MTPN: variants seen among roughly 807,000 people sequenced by gnomAD.
MTPN encodes the protein myotrophin, also known as granule cell differentiation protein.
A neutral mutation model predicts 13.5 loss-of-function variants in MTPN; 2 were observed. The ratio of observed to expected loss-of-function variants is 0.15; its 90% confidence interval spans 0.06 to 0.47. The LOEUF (loss-of-function observed/expected upper bound fraction) is 0.47. MTPN is among the 20% of genes least tolerant of loss of function. MTPN has a pLI of 0.97. For synonymous variants in MTPN, 46 were observed against 51.7 expected (o/e 0.89, Z 0.48); for missense variants, 79 against 137.9 (o/e 0.57, Z 2.14).
At chr7:135,972,235 A>ACGCGCGCGCG (rs1451355041) in intron 1 of MTPN, among the ~76,000 whole-genome samples, 1 of 128,472 alleles carries the variant, frequency 7.8e-6, no homozygotes, top group Non-Finnish European at 1.7e-5. Flanking sequence ...GCGCGCGCAC[A>ACGCGCGCGCG]CACACACACA....
chr7:135,929,892 G>T lies in MTPN; in HGVS notation c.*34C>A. On this transcript the variant is annotated 3_prime_UTR_variant, in exon 4 of 4. Coordinates refer to ENST00000393085, the MANE Select transcript of MTPN (RefSeq NM_145808.4). The stretch of plus-strand genomic sequence containing the variant: ...GGCAGCAGTGTGAGGCCACAGGAGA[G>T]TCATTCTTCCGGAGTTATCAGTCCA... 1 of 1,598,932 alleles carries T rather than the reference G, an allele frequency of 6.3e-7. No individual in the cohort carries two copies. Among genetic ancestry groups the T allele is most frequent in the Non-Finnish European group, 8.6e-7 (1 of 1,166,174 alleles).
At chr7:135,957,545 A>G (rs1005060461) in intron 1 of MTPN, among the ~76,000 whole-genome samples, 1 of 152,186 alleles carries the variant, frequency 6.6e-6, no homozygotes, top group African/African-American at 2.4e-5. Flanking sequence ...GTTTACATCA[A>G]TAAGTTGGTG....
At chr7:135,964,994 G>A (rs889305844) in intron 1 of MTPN, among the ~76,000 whole-genome samples, 3 of 152,026 alleles carry the variant, frequency 2.0e-5, no homozygotes, top group African/African-American at 7.2e-5. Context: ...ATTTATTGAT[G>A]TATCATCTAT....
rs771318474 is a variant in MTPN, at chr7:135,932,033, TAAC to T, written c.271-2024_271-2022del. On this transcript the variant is annotated intron_variant, in intron 3 of 3. Transcript: ENST00000393085. ...TGAACAGTAAGTTGTTCACAACAGT[TAAC>T]AATTTACTGTAGCCCTGTTGTGCTA... Among the ~76,000 whole-genome samples the T allele has an allele frequency of 1.4e-3, 217 of 152,278 alleles. 1 individual carries two copies. Among genetic ancestry groups the T allele is most frequent in the Middle Eastern group, 3.4e-3 (1 of 294 alleles).
intron 1 of MTPN, among the ~76,000 whole-genome samples, chr7:135,957,640 G>A (rs1034227073): frequency 5.9e-5 from 9 of 152,132 alleles, no homozygotes; most frequent in African/African-American, 2.2e-4. Flanking sequence ...GTGTGTCCAG[G>A]AAAATCTCAT....
intron 1 of MTPN, among the ~76,000 whole-genome samples, chr7:135,959,199 T>C (rs1374385189): frequency 1.3e-5 from 2 of 152,026 alleles, no homozygotes; most frequent in African/African-American, 4.8e-5. Flanking sequence ...ATCAAGTGGA[T>C]GTACCATAGT....
At chr7:135,953,963 A>G (rs1489068967) in intron 1 of MTPN, among the ~76,000 whole-genome samples, 1 of 152,206 alleles carries the variant, frequency 6.6e-6, no homozygotes, top group Admixed American at 6.5e-5. Context: ...TATAATGTAT[A>G]TATGTAATAT....
intron 1 of MTPN, among the ~76,000 whole-genome samples, chr7:135,953,031 C>T (rs1799387798): frequency 6.6e-6 from 1 of 152,156 alleles, no homozygotes; most frequent in South Asian, 2.1e-4. Context: ...AAGCCATACC[C>T]TGAATCAAGA....
intron 1 of MTPN, among the ~76,000 whole-genome samples, chr7:135,954,323 T>C (rs983921644): frequency 6.6e-6 from 1 of 152,216 alleles, no homozygotes; most frequent in African/African-American, 2.4e-5. Flanking sequence ...TTAAGGCAGG[T>C]TTCTGCATAA....
In MTPN at chr7:135,927,395, ACAG is replaced by A; in HGVS notation, c.*2528_*2530del. On this transcript the variant is annotated 3_prime_UTR_variant, in exon 4 of 4. Coordinates refer to ENST00000393085, the MANE Select transcript of MTPN (RefSeq NM_145808.4). ...AGACTTTGTTAGTACACTACTATAA[ACAG>A]GTAAACTACCTGTTTGTACTTGATA... The A allele has an allele frequency of 6.5e-7, 1 of 1,550,024 alleles. No individual in the cohort carries two copies. The highest frequency in any genetic ancestry group is 2.4e-5 in the East Asian group (1 of 40,886).
chr7:135,947,646 A>G (rs1156633147), intron 3 of MTPN, among the ~76,000 whole-genome samples: 4 of 152,130 alleles, frequency 2.6e-5, no homozygotes, highest in Non-Finnish European at 5.9e-5. Context: ...CTGACCTGAC[A>G]GTACTTCTGA....
chr7:135,976,914 A>T lies in MTPN; in HGVS notation c.72+115T>A, dbSNP rs1562939225. 1.2e-5 allele frequency: 11 copies of T among 954,804 alleles called. No homozygotes were observed. The Admixed American group carries it at 1.6e-4, about 14-fold the overall frequency. The allele number at this position is 954,804 out of a possible 1,614,324, so 59.1% of individuals were successfully genotyped here. ...TCTCTCCTTGGTGCCGCCTCCACCC[A>T]GGAAGTCTCTCCTCCCGCCCACCCC... On this transcript the variant is annotated intron_variant, in intron 1 of 3. Coordinates refer to ENST00000393085, the MANE Select transcript of MTPN (RefSeq NM_145808.4).
At chr7:135,947,968 G>A (rs1024888582) in intron 3 of MTPN, among the ~76,000 whole-genome samples, 3 of 151,774 alleles carry the variant, frequency 2.0e-5, no homozygotes, top group East Asian at 1.9e-4. Context: ...GCCTTTTTTC[G>A]TATGCTAAGG....
At chr7:135,938,810 G>C (rs879508213) in intron 3 of MTPN, among the ~76,000 whole-genome samples, 2 of 152,218 alleles carry the variant, frequency 1.3e-5, no homozygotes, top group Non-Finnish European at 2.9e-5. Flanking sequence ...CTAAAGCTTA[G>C]CTAGTGTAAG....
At chr7:135,967,541 T>C (rs536061792) in intron 1 of MTPN, among the ~76,000 whole-genome samples, 3 of 152,288 alleles carry the variant, frequency 2.0e-5, no homozygotes, top group Non-Finnish European at 4.4e-5. Context: ...AATAGCACTA[T>C]GATACTGGTC....
chr7:135,927,376 T>C lies in MTPN; in HGVS notation c.*2550A>G, dbSNP rs749121506. ...CAGTCTGAAGCTGCAAGGGAGACTTTGTTAGTACACTACTATAAACAGGTA... is the reference window on the plus strand; with the variant it reads ...CAGTCTGAAGCTGCAAGGGAGACTTCGTTAGTACACTACTATAAACAGGTA... On this transcript the variant is annotated 3_prime_UTR_variant, in exon 4 of 4. Coordinates refer to ENST00000393085, the MANE Select transcript of MTPN (RefSeq NM_145808.4). The C allele has an allele frequency of 1.1e-5, 17 of 1,550,002 alleles. No individual in the cohort carries two copies. The South Asian group carries it at 1.7e-4, about 15-fold the overall frequency.
chr7:135,975,018 T>C (rs1300762084), intron 1 of MTPN, among the ~76,000 whole-genome samples: 1 of 152,250 alleles, frequency 6.6e-6, no homozygotes, highest in Non-Finnish European at 1.5e-5. Context: ...TACAGTCATA[T>C]CTTTTTGGAT....
intron 3 of MTPN, among the ~76,000 whole-genome samples, chr7:135,945,996 T>C (rs58666184): frequency 0.052 from 7,857 of 152,246 alleles, 265 homozygotes; most frequent in South Asian, 0.15. Flanking sequence ...AACTATAACA[T>C]GCTAATAAAA....
At chr7:135,963,460 C>A (rs1562935666) in intron 1 of MTPN, among the ~76,000 whole-genome samples, 1 of 151,974 alleles carries the variant, frequency 6.6e-6, no homozygotes, top group Non-Finnish European at 1.5e-5. Flanking sequence ...TAAACTCTAC[C>A]ACTGAGGCGG....
Sources: allele counts gnomAD v4.1 joint callset (sites outside exome capture counted in the v4.1 genomes callset), GRCh38; gene constraint gnomAD v4.1.1; transcripts MANE v1.5; gene names NCBI Gene and HGNC (gene_info 2026-07-23, HGNC 2026-07-21).